The following FAM120A variants were observed in gnomAD, a reference collection of about 807,000 sequenced individuals.
FAM120A encodes the protein family with sequence similarity 120 member A.
In FAM120A, 15 loss-of-function variants were observed where a neutral mutation model predicts 109.7. The observed-to-expected ratio is 0.14, with a 90% CI of 0.09 to 0.21. The LOEUF (loss-of-function observed/expected upper bound fraction) is 0.21, where lower values mean the gene tolerates loss of function less well. FAM120A is among the 10% of genes least tolerant of loss of function. FAM120A has a pLI of 1.00. For synonymous variants in FAM120A, 493 were observed against 572.8 expected (o/e 0.86, Z 1.99); for missense variants, 899 against 1,439.3 (o/e 0.62, Z 6.07).
At chr9:93,527,688 T>C (rs1861149597) in intron 8 of FAM120A, among the ~76,000 whole-genome samples, 1 of 137,938 alleles carries the variant, frequency 7.2e-6, no homozygotes, top group African/African-American at 2.6e-5. Flanking sequence ...AGTGGCGTGA[T>C]CTCAGCTCAC....
chr9:93,452,939 T>G lies in FAM120A; in HGVS notation c.474+550T>G. 1 of 1,399,384 alleles carries G rather than the reference T, an allele frequency of 7.1e-7. No homozygotes were observed. 86.7% of individuals were successfully genotyped at this position (1,399,384 alleles called of 1,614,324 possible). On this transcript the variant is annotated intron_variant, in intron 1 of 17. Transcript: ENST00000277165. The surrounding 1 kb of genome is among the most constrained non-coding windows in gnomAD (Gnocchi z 7.0). ...ACAGCGAGACGTGTCTAAGGGCCAG[T>G]GCCCTGGCCTCTACTTCAGAACGCA...
At chr9:93,504,108 G>A (rs1024567465) in intron 5 of FAM120A, among the ~76,000 whole-genome samples, 1 of 152,128 alleles carries the variant, frequency 6.6e-6, no homozygotes, top group South Asian at 2.1e-4. Flanking sequence ...GGGGGTTCAG[G>A]CATCTAGCAA....
chr9:93,519,790 G>A (rs1027756672), intron 7 of FAM120A, among the ~76,000 whole-genome samples: 6 of 152,146 alleles, frequency 3.9e-5, no homozygotes, highest in Non-Finnish European at 7.3e-5. Flanking sequence ...AGTGATGGGC[G>A]ATGGGGATTG....
At chr9:93,495,967 G>T (rs1859558828) in intron 3 of FAM120A, among the ~76,000 whole-genome samples, 1 of 152,082 alleles carries the variant, frequency 6.6e-6, no homozygotes, top group African/African-American at 2.4e-5. Context: ...CTTTTATTTT[G>T]ATATCTTTGA....
At chr9:93,473,300 C>T (rs186781903) in intron 2 of FAM120A, among the ~76,000 whole-genome samples, 3 of 151,484 alleles carry the variant, frequency 2.0e-5, no homozygotes, top group East Asian at 3.9e-4. Flanking sequence ...TGTGAGCTAC[C>T]GCGCCCAGCC....
rs770141090 is a variant in FAM120A at position 93,564,261 on chromosome 9, A to G, written c.3078A>G (p.Glu1026=). The change falls in exon 18 of 18, where the codon GAA becomes GAG. Residue 1026 remains glutamate (E), a synonymous_variant. Transcript: ENST00000277165. ...CTCCTTATGCTGCTTCAGCAGAAGAAGTGGCCAAAGAACTTAAGTCAAAAT... is the reference window on the plus strand; with the variant it reads ...CTCCTTATGCTGCTTCAGCAGAAGAGGTGGCCAAAGAACTTAAGTCAAAAT... ...GRPPYAASAE[E]VAKELKSKSG... is the part of the protein sequence containing the mutation. 3.7e-6 allele frequency: 6 copies of G among 1,613,366 alleles called. No individual in the cohort carries two copies. The highest frequency in any genetic ancestry group is 5.1e-6 in the Non-Finnish European group (6 of 1,179,414).
intron 3 of FAM120A, among the ~76,000 whole-genome samples, chr9:93,496,430 C>G (rs1859576473): frequency 6.6e-6 from 1 of 152,158 alleles, no homozygotes; most frequent in Non-Finnish European, 1.5e-5. Flanking sequence ...ACTCCTTTAT[C>G]CATTATGGGT....
chr9:93,536,058 A>T (rs969063142), intron 10 of FAM120A, among the ~76,000 whole-genome samples: 1 of 152,194 alleles, frequency 6.6e-6, no homozygotes, highest in Admixed American at 6.5e-5. Context: ...ACTAAATAGG[A>T]TAGGAAAATG....
At chr9:93,528,751 TG>T (rs1861198626) in intron 8 of FAM120A, among the ~76,000 whole-genome samples, 1 of 152,206 alleles carries the variant, frequency 6.6e-6, no homozygotes, top group Non-Finnish European at 1.5e-5. Flanking sequence ...GTTTAATTTT[TG>T]CTTGTGTATA....
At chr9:93,483,228 T>G (rs993584467) in intron 3 of FAM120A, among the ~76,000 whole-genome samples, 1 of 152,224 alleles carries the variant, frequency 6.6e-6, no homozygotes, top group African/African-American at 2.4e-5. Context: ...TGAAGTTCAC[T>G]TCATATATTT....
At chr9:93,554,851 A>C (rs1345425027) in intron 12 of FAM120A, among the ~76,000 whole-genome samples, 1 of 152,178 alleles carries the variant, frequency 6.6e-6, no homozygotes, top group South Asian at 2.1e-4. Context: ...AGAGAGGGGC[A>C]CGGAGGCCCC....
chr9:93,501,930 G>A (rs1859820219), intron 5 of FAM120A, among the ~76,000 whole-genome samples: 2 of 152,144 alleles, frequency 1.3e-5, no homozygotes, highest in African/African-American at 2.4e-5. Context: ...GAAACTAACA[G>A]GGCGAAGACT....
chr9:93,486,714 A>G (rs1859073604), intron 3 of FAM120A, among the ~76,000 whole-genome samples: 1 of 151,298 alleles, frequency 6.6e-6, no homozygotes, highest in African/African-American at 2.4e-5. Context: ...TTGTATTTTT[A>G]GTAGAGATGG....
intron 11 of FAM120A, among the ~76,000 whole-genome samples, chr9:93,549,551 A>T (rs1862022060): frequency 6.6e-6 from 1 of 152,180 alleles, no homozygotes; most frequent in Admixed American, 6.5e-5. Context: ...TACAAGAATG[A>T]TTTAGTGCTC....
intron 3 of FAM120A, among the ~76,000 whole-genome samples, chr9:93,483,981 A>G (rs1430373095): frequency 2.0e-5 from 3 of 151,934 alleles, no homozygotes; most frequent in Non-Finnish European, 1.5e-5. Flanking sequence ...AAAGCTTAGA[A>G]TTCTGAGGAA....
intron 5 of FAM120A, among the ~76,000 whole-genome samples, chr9:93,512,399 T>A: frequency 6.6e-6 from 1 of 152,258 alleles, no homozygotes; most frequent in Admixed American, 6.5e-5. Context: ...GCCGAGGGAT[T>A]GCAGTGCATG....
chr9:93,457,034 A>G (rs949611055), intron 1 of FAM120A, among the ~76,000 whole-genome samples: 3 of 152,192 alleles, frequency 2.0e-5, no homozygotes, highest in African/African-American at 4.8e-5. Context: ...AATGTCTTCA[A>G]GCTTCTTTCA....
At chr9:93,530,885 T>C (rs1024226328) in intron 9 of FAM120A, 2 of 152,250 alleles carry the variant, frequency 1.3e-5, no homozygotes, top group African/African-American at 4.8e-5. Context: ...CTACCTGTTA[T>C]GTCCACACTG....
intron 3 of FAM120A, among the ~76,000 whole-genome samples, chr9:93,489,371 G>GGTATTCCCT (rs143695094): frequency 0.059 from 8,950 of 152,198 alleles, 406 homozygotes; most frequent in African/African-American, 0.12. Flanking sequence ...ATACATGACA[G>GGTATTCCCT]GTATTCCCCC....
Sources: gnomAD v4.1 joint callset for allele counts (sites outside exome capture counted in the v4.1 genomes callset) on GRCh38, gnomAD v4.1.1 for gene constraint, Gnocchi (gnomAD v3.1) non-coding constraint, MANE v1.5 for transcripts, NCBI Gene and HGNC (gene_info 2026-07-23, HGNC 2026-07-21) for gene names.